SLC30A7: variants seen among roughly 807,000 people sequenced by gnomAD.
SLC30A7 encodes the protein zinc transporter 7.
In SLC30A7, 35 loss-of-function variants were observed where a neutral mutation model predicts 46.0. That is an observed-to-expected ratio of 0.76 (90% CI 0.58 to 1.01). The LOEUF (loss-of-function observed/expected upper bound fraction) is 1.01, where lower values mean the gene tolerates loss of function less well. Ranked by LOEUF, SLC30A7 falls within the 50% of genes least tolerant of loss-of-function variation. SLC30A7 has a pLI of 0.00. For synonymous variants in SLC30A7, 147 were observed against 157.8 expected, an observed-to-expected ratio of 0.93 and a Z score of 0.51; for missense variants, 464 against 451.1, an observed-to-expected ratio of 1.03 and a Z score of -0.26.
chr1:100,896,490 G>A, intron 1 of SLC30A7, 80 bp from the exon 2 acceptor site: 1 of 1,441,274 alleles, frequency 6.9e-7, no homozygotes. Context: ...AACTGGGAGG[G>A]TCTTGAAGAG....
At chr1:100,983,388 AAAC>A (rs747792146), downstream of SLC30A7, among the ~76,000 whole-genome samples, 936 of 116,452 alleles carry the variant, frequency 8.0e-3, 11 homozygotes, top group African/African-American at 0.019. Context: ...AAAAAAAAAA[AAAC>A]AAAACAAAAC....
Position 100,974,849 on chromosome 1 carries a change from G to A in SLC30A7, c.1123G>A (p.Ala375Thr). 1 of 1,598,492 alleles carries A rather than the reference G, an allele frequency of 6.3e-7. No individual in the cohort carries two copies. Among genetic ancestry groups the A allele is most frequent in the Non-Finnish European group, 8.6e-7 (1 of 1,169,126 alleles). ...GCTCTACGTACAGATTGACTTTGCA[G>A]CCATGTAGTGAATGGAAAGAAATTA... ...RQLYVQIDFAAM is the reference protein window; with the variant it reads ...RQLYVQIDFATM The change falls in exon 11 of 11, where the codon GCC becomes ACC. Residue 375 changes from alanine (A) to threonine (T), a missense_variant. Coordinates refer to ENST00000357650, the MANE Select transcript of SLC30A7 (RefSeq NM_133496.5).
At chr1:100,953,455 T>C (rs1164903953) in intron 8 of SLC30A7, among the ~76,000 whole-genome samples, 1 of 152,218 alleles carries the variant, frequency 6.6e-6, no homozygotes, top group Non-Finnish European at 1.5e-5. Context: ...TCATTCAATT[T>C]TGATAGTCTT....
intron 8 of SLC30A7, among the ~76,000 whole-genome samples, chr1:100,960,269 C>G (rs1423320794): frequency 6.6e-6 from 1 of 152,138 alleles, no homozygotes; most frequent in Non-Finnish European, 1.5e-5. Flanking sequence ...TGTCTTTGTT[C>G]CTATGGTTAC....
the SLC30A7 span, chr1:100,990,561 G>A: frequency 6.2e-7 from 1 of 1,614,096 alleles, no homozygotes; most frequent in South Asian, 1.1e-5. Flanking sequence ...GCCTTAAAGT[G>A]CCTGCTGCAA....
At chr1:100,937,354 TC>T in intron 8 of SLC30A7, among the ~76,000 whole-genome samples, 1 of 152,346 alleles carries the variant, frequency 6.6e-6, no homozygotes, top group Admixed American at 6.5e-5. Context: ...ACTGCCATGC[TC>T]TTTTCCATAG....
At chr1:100,911,488 T>A (rs1652089838) in intron 4 of SLC30A7, among the ~76,000 whole-genome samples, 1 of 152,196 alleles carries the variant, frequency 6.6e-6, no homozygotes, top group Non-Finnish European at 1.5e-5. Flanking sequence ...GCGTATTTTT[T>A]AAAAAGGAAG....
intron 3 of SLC30A7, among the ~76,000 whole-genome samples, chr1:100,907,174 T>G (rs1470730224): frequency 6.6e-6 from 1 of 152,174 alleles, no homozygotes; most frequent in Non-Finnish European, 1.5e-5. Context: ...AGTATATAAT[T>G]GGAATCTACA....
chr1:100,906,988 C>A, intron 3 of SLC30A7, 23 bp downstream of exon 3: 1 of 1,475,126 alleles, frequency 6.8e-7, no homozygotes, highest in Non-Finnish European at 9.4e-7. Context: ...GAAAAAAAAT[C>A]TTTTTATTGA....
Position 100,921,850 on chromosome 1 carries a change from T to C in SLC30A7, c.842+9T>C. ...ATTCTTATAGTTGTAAGGTAAGTGT[T>C]ATTGTTACTTTCAAGTATTAAAGTG... On this transcript the variant is annotated intron_variant, in intron 8 of 10. Transcript: ENST00000357650. 5.0e-6 allele frequency: 8 copies of C among 1,608,324 alleles called. No homozygotes were observed. The highest frequency in any genetic ancestry group is 6.8e-6 in the Non-Finnish European group (8 of 1,177,106).
rs563680419 is a variant in SLC30A7, at chr1:100,964,308, CTA to C, written c.934-1455_934-1454del. On this transcript the variant is annotated intron_variant, in intron 9 of 10. Coordinates refer to ENST00000357650, the MANE Select transcript of SLC30A7 (RefSeq NM_133496.5). ...ATATATGTTATATAACTTATGTAAC[CTA>C]TATATGTTATATACATGTATGTATA... 3.3e-4 allele frequency among the ~76,000 whole-genome samples: 40 copies of C among 119,710 alleles called. No individual in the cohort carries two copies. The South Asian group carries it at 8.3e-3, about 25-fold the overall frequency. 78.5% of individuals were successfully genotyped at this position (119,710 alleles called of 152,430 possible).
intron 8 of SLC30A7, among the ~76,000 whole-genome samples, chr1:100,924,843 CAAAG>C (rs1653187753): frequency 6.6e-6 from 1 of 151,750 alleles, no homozygotes; most frequent in African/African-American, 2.4e-5. Flanking sequence ...CACAGACACA[CAAAG>C]AAAACTTGTT....
chr1:100,951,539 G>A (rs1654951083), intron 8 of SLC30A7, among the ~76,000 whole-genome samples: 2 of 152,154 alleles, frequency 1.3e-5, no homozygotes, highest in South Asian at 4.1e-4. Context: ...TTCCCATAAT[G>A]CTCCAAGGTG....
rs752222447 is a variant in SLC30A7 at position 100,896,304 on chromosome 1, C to G, written c.42C>G (p.Pro14=). 90 of 1,614,094 alleles carry G rather than the reference C, an allele frequency of 5.6e-5. No individual in the cohort carries two copies. Among genetic ancestry groups the G allele is most frequent in the Middle Eastern group, 1.6e-4 (1 of 6,084 alleles). Residue 14 remains proline (P), a synonymous_variant, in exon 1 of 11, where the codon CCC becomes CCG. Transcript: ENST00000357650. ...TCAAAGACGATGAATACAAACCACC[C>G]AAGTTCAATTTGTTCGGCAAGATCT... ...LSIKDDEYKP[P]KFNLFGKISG... is the part of the protein sequence containing the mutation.
At chr1:100,947,987 C>G (rs573450285) in intron 8 of SLC30A7, among the ~76,000 whole-genome samples, 1 of 152,192 alleles carries the variant, frequency 6.6e-6, no homozygotes, top group Admixed American at 6.5e-5. Flanking sequence ...ACTGATGGGT[C>G]TTGACTCTTT....
intron 8 of SLC30A7, among the ~76,000 whole-genome samples, chr1:100,922,928 A>G (rs2101034068): frequency 1.3e-5 from 2 of 150,934 alleles, no homozygotes; most frequent in South Asian, 4.2e-4. Flanking sequence ...ACTGTCAGGA[A>G]CTTTTTTGTA....
At chr1:100,937,989 G>C (rs1344079180) in intron 8 of SLC30A7, among the ~76,000 whole-genome samples, 1 of 152,190 alleles carries the variant, frequency 6.6e-6, no homozygotes, top group Non-Finnish European at 1.5e-5. Context: ...TTATTGAGAA[G>C]TCTGTCCTTT....
chr1:100,929,066 T>C (rs1557989354), intron 8 of SLC30A7, among the ~76,000 whole-genome samples: 1 of 150,552 alleles, frequency 6.6e-6, no homozygotes, highest in African/African-American at 2.4e-5. Context: ...TATCTTTACA[T>C]GTATGAGGGA....
At chr1:100,968,375 C>T (rs936517116) in intron 10 of SLC30A7, among the ~76,000 whole-genome samples, 11 of 151,670 alleles carry the variant, frequency 7.3e-5, no homozygotes, top group African/African-American at 2.4e-4. Flanking sequence ...GCAGGAGAAT[C>T]GCTTGAACCC....
Sources: allele counts gnomAD v4.1 joint callset (sites outside exome capture counted in the v4.1 genomes callset), GRCh38; gene constraint gnomAD v4.1.1; transcripts MANE v1.5; gene names NCBI Gene and HGNC (gene_info 2026-07-23, HGNC 2026-07-21).